PALS1: variants seen among roughly 807,000 people sequenced by gnomAD.
PALS1 encodes protein PALS1.
A neutral mutation model predicts 78.9 loss-of-function variants in PALS1; 31 were observed. The observed-to-expected ratio is 0.39, with a 90% CI of 0.30 to 0.53. The LOEUF (loss-of-function observed/expected upper bound fraction) is 0.53, where lower values mean the gene tolerates loss of function less well. Among genes scored for constraint, PALS1 ranks in the 20% least tolerant of loss-of-function variants. The probability of loss-of-function intolerance (pLI) is 0.67; values close to 1 mark genes in which losing one functional copy is unlikely to be tolerated. For missense variants in PALS1, 704 were observed against 826.5 expected (o/e 0.85, Z 1.82); for synonymous variants, 276 against 270.9 (o/e 1.02, Z -0.18).
Position 67,251,506 on chromosome 14 carries a change from C to T in PALS1, c.-237+9973C>T, listed in dbSNP as rs950056335. Among the ~76,000 whole-genome samples, 7 of 152,146 alleles carry T rather than the reference C, an allele frequency of 4.6e-5. No individual in the cohort carries two copies. In the South Asian group the frequency reaches 8.3e-4, roughly 18 times the overall value. The stretch of plus-strand genomic sequence containing the variant: ...CATGATGGCACCATTGCACTTCAGC[C>T]TGGTCAACAGCAACAGAACGAGAAC... On this transcript the variant is annotated intron_variant, in intron 1 of 14. Transcript: ENST00000261681.
intron 14 of PALS1, among the ~76,000 whole-genome samples, chr14:67,332,490 C>T (rs569916651): frequency 6.6e-6 from 1 of 152,184 alleles, no homozygotes; most frequent in South Asian, 2.1e-4. Context: ...AGTGTGTGTT[C>T]TTGAAGCTTG....
chr14:67,273,261 C>A (rs1427297797), intron 2 of PALS1, among the ~76,000 whole-genome samples: 2 of 151,550 alleles, frequency 1.3e-5, no homozygotes, highest in African/African-American at 4.9e-5. Context: ...TGCTATCGCT[C>A]CCCCCTCCCA....
chr14:67,246,576 A>T (rs989974648), intron 1 of PALS1, among the ~76,000 whole-genome samples: 3 of 151,530 alleles, frequency 2.0e-5, no homozygotes, highest in African/African-American at 7.3e-5. Context: ...GCTGAGCACA[A>T]GGGATCCTTC....
chr14:67,283,571 T>C (rs1180671641), intron 3 of PALS1, among the ~76,000 whole-genome samples: 1 of 152,214 alleles, frequency 6.6e-6, no homozygotes, highest in African/African-American at 2.4e-5. Flanking sequence ...TATTTCCAAA[T>C]AAATGTTATT....
In PALS1 at chr14:67,292,573, CAGG is replaced by C; in HGVS notation, c.435_437del (p.Glu145del). The C allele has an allele frequency of 6.2e-7, 1 of 1,613,522 alleles. No individual in the cohort carries two copies. The highest frequency in any genetic ancestry group is 2.2e-5 in the East Asian group (1 of 44,792). ...ACATACTTTGGTAGATTCTCAGAGC[CAGG>C]AGGATATTTCACTGCTTTTACAACT... On this transcript the variant is annotated inframe_deletion, in exon 4 of 15. Transcript: ENST00000261681.
At chr14:67,300,364 A>G (rs2084914459) in intron 4 of PALS1, among the ~76,000 whole-genome samples, 1 of 124,106 alleles carries the variant, frequency 8.1e-6, no homozygotes, top group African/African-American at 3.9e-5. Flanking sequence ...GTCTCATTCC[A>G]TCATCCAGGC....
intron 14 of PALS1, among the ~76,000 whole-genome samples, chr14:67,328,529 GTT>G (rs2085395078): frequency 6.6e-6 from 1 of 152,188 alleles, no homozygotes; most frequent in Non-Finnish European, 1.5e-5. Flanking sequence ...TGCTTTTGGT[GTT>G]TTAGTCATGA....
chr14:67,297,733 A>G (rs1180597862), intron 4 of PALS1, among the ~76,000 whole-genome samples: 2 of 152,218 alleles, frequency 1.3e-5, no homozygotes, highest in Admixed American at 1.3e-4. Flanking sequence ...ATAAAGGTAA[A>G]GGAGACATCA....
intron 11 of PALS1, among the ~76,000 whole-genome samples, chr14:67,318,035 C>T (rs1289351711): frequency 6.6e-6 from 1 of 152,218 alleles, no homozygotes; most frequent in Non-Finnish European, 1.5e-5. Flanking sequence ...TCTAGTTTAA[C>T]AGTCTCTACC....
intron 4 of PALS1, among the ~76,000 whole-genome samples, chr14:67,297,937 T>C (rs1323398234): frequency 6.6e-6 from 1 of 152,194 alleles, no homozygotes; most frequent in Non-Finnish European, 1.5e-5. Context: ...GTACATATTA[T>C]CTAGGCAAAT....
chr14:67,247,107 AT>A (rs1224441357), intron 1 of PALS1, among the ~76,000 whole-genome samples: 1 of 152,118 alleles, frequency 6.6e-6, no homozygotes, highest in Non-Finnish European at 1.5e-5. Context: ...TTTGATTGAG[AT>A]TGTGTCTAAT....
Position 67,331,190 on chromosome 14 carries a change from G to A in PALS1, c.1852-1590G>A, listed in dbSNP as rs1595625490. Among the ~76,000 whole-genome samples the A allele has an allele frequency of 1.3e-5, 2 of 152,160 alleles. 1 individual carries two copies. Among genetic ancestry groups the A allele is most frequent in the South Asian group, 4.1e-4 (2 of 4,822 alleles). ...CTCCCAAGTAGCTGGGATTACAGAT[G>A]TGCACCATCACGCCTGGCTATTTTT... On this transcript the variant is annotated intron_variant, in intron 14 of 14. Coordinates refer to ENST00000261681, the MANE Select transcript of PALS1 (RefSeq NM_022474.4).
At chr14:67,309,034 G>A (rs2085050866) in intron 8 of PALS1, among the ~76,000 whole-genome samples, 1 of 152,106 alleles carries the variant, frequency 6.6e-6, no homozygotes, top group Admixed American at 6.6e-5. Context: ...ATGTTGGGCT[G>A]GAAGATAATT....
chr14:67,279,673 T>C, intron 3 of PALS1, 136 bp downstream of exon 3: 1 of 824,020 alleles, frequency 1.2e-6, no homozygotes, highest in Non-Finnish European at 1.8e-6. Flanking sequence ...TCCTTTGTTT[T>C]CGTGGAAACG....
At chr14:67,316,384 T>C (rs1156671657) in intron 9 of PALS1, among the ~76,000 whole-genome samples, 2 of 152,192 alleles carry the variant, frequency 1.3e-5, no homozygotes, top group Non-Finnish European at 2.9e-5. Flanking sequence ...CAAGGGAATA[T>C]ACTGAATGGT....
chr14:67,299,273 G>T (rs1223758069), intron 4 of PALS1, among the ~76,000 whole-genome samples: 2 of 151,872 alleles, frequency 1.3e-5, no homozygotes, highest in Admixed American at 6.6e-5. Context: ...AATATATTCT[G>T]GCTACAAGTT....
intron 3 of PALS1, among the ~76,000 whole-genome samples, chr14:67,283,058 A>G (rs2140719540): frequency 6.6e-6 from 1 of 152,180 alleles, no homozygotes; most frequent in Non-Finnish European, 1.5e-5. Context: ...GAACATACAC[A>G]CCCATATATA....
chr14:67,263,057 T>C (rs1190855641), intron 1 of PALS1, among the ~76,000 whole-genome samples: 2 of 152,180 alleles, frequency 1.3e-5, no homozygotes, highest in African/African-American at 4.8e-5. Context: ...CCATTTGATA[T>C]CCTTGATACT....
intron 9 of PALS1, 40 bp downstream of exon 9, chr14:67,312,750 A>T: frequency 7.2e-7 from 1 of 1,392,238 alleles, no homozygotes; most frequent in Non-Finnish European, 9.5e-7. Context: ...ATATTAAAAG[A>T]ACATTGAAAA....
Sources: gnomAD v4.1 joint callset for allele counts (sites outside exome capture counted in the v4.1 genomes callset) on GRCh38, gnomAD v4.1.1 for gene constraint, MANE v1.5 for transcripts, NCBI Gene and HGNC (gene_info 2026-07-23, HGNC 2026-07-21) for gene names.